ZNF484: variants seen among roughly 807,000 people sequenced by gnomAD.
ZNF484 encodes KRAB box containing C2H2 type zinc finger bA526D8.4.
Under a neutral mutation model 12.9 loss-of-function variants are expected in ZNF484, and 11 were observed. The observed-to-expected ratio is 0.85, with a 90% CI of 0.54 to 1.41. ZNF484 has a LOEUF of 1.41. Ranked by LOEUF, ZNF484 falls within the 40% of genes most tolerant of loss-of-function variation. The pLI, the probability that ZNF484 is intolerant of heterozygous loss-of-function variation, is 0.00. For synonymous variants in ZNF484, 289 were observed against 334.1 expected, an observed-to-expected ratio of 0.86 and a Z score of 1.47; for missense variants, 807 against 1,007.7, an observed-to-expected ratio of 0.80 and a Z score of 2.70.
Position 92,847,761 on chromosome 9 carries a change from A to G in ZNF484, c.1026T>C (p.Asp342=), listed in dbSNP as rs757149168. ...DYGRAFIQKS[D]LFRCQRIHSG... ...AATGAATTCTCTGGCATCTGAACAG[A>G]TCTGACTTCTGGATAAAGGCTCTTC... The change falls in exon 5 of 5, where the codon GAT becomes GAC. Residue 342 remains aspartate (D), a synonymous_variant. Coordinates refer to ENST00000375495, the MANE Select transcript of ZNF484 (RefSeq NM_031486.4). 1 of 1,613,920 alleles carries G rather than the reference A, an allele frequency of 6.2e-7. No individual in the cohort carries two copies. Among genetic ancestry groups the G allele is most frequent in the Admixed American group, 1.7e-5 (1 of 60,026 alleles).
intron 4 of ZNF484, among the ~76,000 whole-genome samples, chr9:92,852,625 C>T (rs1856173538): frequency 6.6e-6 from 1 of 150,816 alleles, no homozygotes; most frequent in Non-Finnish European, 1.5e-5. Flanking sequence ...CAACCTCCAC[C>T]TCCTGGGATC....
At chr9:92,867,635 A>C (rs557977077) in intron 2 of ZNF484, among the ~76,000 whole-genome samples, 1 of 152,334 alleles carries the variant, frequency 6.6e-6, no homozygotes, top group African/African-American at 2.4e-5. Context: ...AAATTTTAAA[A>C]AAAGAAAATA....
In ZNF484 at chr9:92,877,977, CT is replaced by C. The variant is rs1857943266; in HGVS notation, c.-119del. The C allele has an allele frequency of 2.8e-6, 3 of 1,086,800 alleles. No homozygotes were observed. Among genetic ancestry groups the C allele is most frequent in the East Asian group, 5.4e-5 (2 of 37,364 alleles). 67.3% of individuals were successfully genotyped at this position (1,086,800 alleles called of 1,614,324 possible). A position where few individuals can be genotyped will look rare whatever the true frequency, so the allele number is the denominator to read the frequency against. ...CAAGAACCAGAACAGGACCCACTTC[CT>C]TTTTCTCAATGCCTCCCAGGCCTAG... On this transcript the variant is annotated 5_prime_UTR_variant, in exon 1 of 5. Coordinates refer to ENST00000375495, the MANE Select transcript of ZNF484 (RefSeq NM_031486.4).
chr9:92,855,961 A>AT (rs1453720308), intron 3 of ZNF484, 58 bp from the exon 4 acceptor site: 2 of 1,582,928 alleles, frequency 1.3e-6, no homozygotes, highest in Non-Finnish European at 1.7e-6. Context: ...GAAGCATTCC[A>AT]TTTTTTTCCC....
At chr9:92,876,551 G>A (rs12338961) in intron 1 of ZNF484, among the ~76,000 whole-genome samples, 1 of 151,904 alleles carries the variant, frequency 6.6e-6, no homozygotes, top group African/African-American at 2.4e-5. Flanking sequence ...TAAAAACAAG[G>A]GTGGCAATGT....
At position 92,847,259 on chromosome 9, in the gene ZNF484, T is replaced by C. The variant is rs746953820; in HGVS notation, c.1528A>G (p.Asn510Asp). 1 of 1,614,008 alleles carries C rather than the reference T, an allele frequency of 6.2e-7. No homozygotes were observed. Among genetic ancestry groups the C allele is most frequent in the African/African-American group, 1.3e-5 (1 of 74,908 alleles). Reference protein sequence around the residue: ...VCGKAFTDRSNLIKHQKIHTG... With the variant: ...VCGKAFTDRSDLIKHQKIHTG... ...TGAATTTTTTGGTGCTTAATGAGAT[T>C]TGACCTGTCAGTAAAGGCCTTACCA... is the stretch of plus-strand genomic sequence containing the variant. The change falls in exon 5 of 5, where the codon AAT (asparagine) becomes GAT (aspartate). Residue 510 changes from asparagine (N) to aspartate (D), a missense_variant. Transcript: ENST00000375495.
intron 2 of ZNF484, chr9:92,862,253 A>AT: frequency 2.0e-6 from 1 of 493,676 alleles, no homozygotes; most frequent in Non-Finnish European, 2.6e-6. Context: ...CCTGCCATAT[A>AT]TTTACTAAGC....
At chr9:92,871,441 A>G (rs1857426234) in intron 2 of ZNF484, among the ~76,000 whole-genome samples, 1 of 152,186 alleles carries the variant, frequency 6.6e-6, no homozygotes, top group African/African-American at 2.4e-5. Flanking sequence ...GACAATAACA[A>G]AAAATCTAAC....
Position 92,847,887 on chromosome 9 carries a change from A to T in ZNF484, c.900T>A (p.Val300=). The T allele has an allele frequency of 6.2e-7, 1 of 1,614,170 alleles. No individual in the cohort carries two copies. The highest frequency in any genetic ancestry group is 8.5e-7 in the Non-Finnish European group (1 of 1,180,028). Residue 300 remains valine (V), a synonymous_variant, in exon 5 of 5, where the codon GTT becomes GTA. Transcript: ENST00000375495. The part of the protein sequence containing the change: ...QKSQLDGSQR[V]YAGICTEYEK... ...CATATTCAGTGCATATTCCTGCATA[A>T]ACCCTCTGACTGCCATCAAGCTGGG...
chr9:92,863,215 A>G (rs1394964876), intron 2 of ZNF484, among the ~76,000 whole-genome samples: 1 of 144,316 alleles, frequency 6.9e-6, no homozygotes, highest in East Asian at 2.1e-4. Context: ...GAGCTGAACA[A>G]TGTGAACACA....
chr9:92,856,914 C>T (rs1414741794), intron 2 of ZNF484, among the ~76,000 whole-genome samples: 1 of 152,212 alleles, frequency 6.6e-6, no homozygotes, highest in Non-Finnish European at 1.5e-5. Context: ...TTAGTAGAGA[C>T]GGGGTTTCAC....
At chr9:92,872,921 CAA>C (rs1857546588) in intron 2 of ZNF484, among the ~76,000 whole-genome samples, 1 of 149,568 alleles carries the variant, frequency 6.7e-6, no homozygotes. Flanking sequence ...AAAAAAAAAA[CAA>C]AAGAACTATC....
chr9:92,874,337 G>A (rs1367685985), intron 2 of ZNF484, among the ~76,000 whole-genome samples: 2 of 142,136 alleles, frequency 1.4e-5, no homozygotes, highest in African/African-American at 5.3e-5. Context: ...TTGAGACAGA[G>A]TTTCGCTCTT....
intron 4 of ZNF484, among the ~76,000 whole-genome samples, chr9:92,852,018 C>A (rs1856120555): frequency 6.6e-6 from 1 of 152,204 alleles, no homozygotes. Context: ...TTTTCTAGCC[C>A]TTTGAATTGC....
Position 92,848,424 on chromosome 9 carries a change from G to T in ZNF484, c.363C>A (p.Asp121Glu). 1.2e-6 allele frequency: 2 copies of T among 1,614,020 alleles called. No individual in the cohort carries two copies. The highest frequency in any genetic ancestry group is 1.7e-6 in the Non-Finnish European group (2 of 1,179,996). ...CTCCACATTTTCTTGTGTGTTCATC[G>T]TCTTTCCACAATTCTTCTAAAATGG... ...PYSILEELWK[D>E]DEHTRKCGEN... Residue 121 changes from aspartate (D) to glutamate (E), a missense_variant, in exon 5 of 5, where the codon GAC becomes GAA. Asp to Glu is a conservative substitution (Grantham distance 45). Transcript: ENST00000375495. The surrounding 1 kb of genome is among the most constrained non-coding windows in gnomAD (Gnocchi z 4.1).
At chr9:92,867,066 G>A (rs1041510100) in intron 2 of ZNF484, among the ~76,000 whole-genome samples, 15 of 152,132 alleles carry the variant, frequency 9.9e-5, no homozygotes, top group African/African-American at 3.6e-4. Context: ...CTAGATGATG[G>A]GGGCCGGGCA....
At position 92,848,375 on chromosome 9, in the gene ZNF484, G is replaced by A. The variant is rs1044308089; in HGVS notation, c.412C>T (p.Arg138Cys). The A allele has an allele frequency of 1.5e-5, 24 of 1,613,966 alleles. No individual in the cohort carries two copies. Among genetic ancestry groups the A allele is most frequent in the East Asian group, 1.3e-4 (6 of 44,880 alleles). Residue 138 changes from arginine to cysteine, a missense_variant, in exon 5 of 5, where the codon CGT (arginine) becomes TGT (cysteine). By Grantham distance (180) the Arg-to-Cys change is radical. Transcript: ENST00000375495. The surrounding 1 kb of genome is among the most constrained non-coding windows in gnomAD (Gnocchi z 4.1). The part of the protein sequence containing the change: ...CGENQNKPLS[R>C]VVFINKKTLA... The stretch of plus-strand genomic sequence containing the variant: ...GTTTTCTTGTTAATGAAGACAACAC[G>A]ACTTAAAGGTTTGTTCTGGTTTTCT...
Position 92,847,823 on chromosome 9 carries a change from G to T in ZNF484, c.964C>A (p.Pro322Thr). The T allele has an allele frequency of 6.2e-7, 1 of 1,614,026 alleles. No individual in the cohort carries two copies. Among genetic ancestry groups the T allele is most frequent in the Non-Finnish European group, 8.5e-7 (1 of 1,180,030 alleles). Reference protein sequence around the residue: ...FSLKSNRQKTPYEGNYYKCSD... With the variant: ...FSLKSNRQKTTYEGNYYKCSD... ...CATTTATAGTAATTCCCCTCATAAG[G>T]AGTTTTCTGACGGTTTGACTTGAGG... The change falls in exon 5 of 5, where the codon CCT (proline) becomes ACT (threonine). Residue 322 changes from proline to threonine, a missense_variant. Coordinates refer to ENST00000375495, the MANE Select transcript of ZNF484 (RefSeq NM_031486.4).
chr9:92,852,500 G>T (rs1332577779), intron 4 of ZNF484, among the ~76,000 whole-genome samples: 1 of 146,032 alleles, frequency 6.8e-6, no homozygotes, highest in Non-Finnish European at 1.5e-5. Flanking sequence ...AAAGTGCTGG[G>T]ATTACAGGCG....
Sources: gnomAD v4.1 joint callset for allele counts (sites outside exome capture counted in the v4.1 genomes callset) on GRCh38, gnomAD v4.1.1 for gene constraint, Gnocchi (gnomAD v3.1) non-coding constraint, MANE v1.5 for transcripts, NCBI Gene and HGNC (gene_info 2026-07-23, HGNC 2026-07-21) for gene names.